The following SYNPR variants were observed in gnomAD, a reference collection of about 807,000 sequenced individuals.
SYNPR encodes synaptoporin.
A neutral mutation model predicts 32.9 loss-of-function variants in SYNPR; 23 were observed. That is an observed-to-expected ratio of 0.70 (90% CI 0.50 to 0.99). SYNPR has a LOEUF of 0.99. Ranked by LOEUF, SYNPR falls within the 50% of genes least tolerant of loss-of-function variation. The pLI is 0.00. For synonymous variants in SYNPR, 146 were observed against 135.9 expected (o/e 1.07, Z -0.52); for missense variants, 318 against 349.3 (o/e 0.91, Z 0.71).
At chr3:63,356,671 C>T (rs776004541) in intron 2 of SYNPR, among the ~76,000 whole-genome samples, 1 of 152,182 alleles carries the variant, frequency 6.6e-6, no homozygotes, top group African/African-American at 2.4e-5. Context: ...ACTAAGAAAG[C>T]CAAATGGTCA....
chr3:63,589,061 C>A (rs1489780792), intron 4 of SYNPR, among the ~76,000 whole-genome samples: 3 of 152,062 alleles, frequency 2.0e-5, no homozygotes, highest in Admixed American at 2.0e-4. Flanking sequence ...AAGGAACAAG[C>A]AGGTAGTAAA....
chr3:63,378,380 A>C (rs977086398), intron 2 of SYNPR, among the ~76,000 whole-genome samples: 2 of 152,044 alleles, frequency 1.3e-5, no homozygotes, highest in Non-Finnish European at 2.9e-5. Flanking sequence ...GTGGATGCCC[A>C]GTTGCTCTGC....
intron 2 of SYNPR, among the ~76,000 whole-genome samples, chr3:63,373,282 T>C (rs2087843828): frequency 1.3e-5 from 2 of 152,146 alleles, no homozygotes; most frequent in African/African-American, 4.8e-5. Context: ...ATAAAGATTA[T>C]TGATATTCAG....
intron 2 of SYNPR, among the ~76,000 whole-genome samples, chr3:63,339,954 G>T (rs1279648104): frequency 6.6e-6 from 1 of 152,150 alleles, no homozygotes; most frequent in Non-Finnish European, 1.5e-5. Flanking sequence ...ACCATGCCAA[G>T]CCTACCTTTT....
In SYNPR at chr3:63,438,129, T is replaced by C. The variant is rs147389936; in HGVS notation, c.85-42703T>C. Among the ~76,000 whole-genome samples the C allele has an allele frequency of 4.3e-3, 656 of 152,360 alleles. 6 individuals are homozygous for C. The highest frequency in any genetic ancestry group is 0.015 in the African/African-American group (634 of 41,586). On this transcript the variant is annotated intron_variant, in intron 2 of 5. Coordinates refer to ENST00000478300, the MANE Select transcript of SYNPR (RefSeq NM_001130003.2). ...GGCTGAGGATACAGAGATAGTAAGA[T>C]ATTGTGTCTTTGAAGAGCTTAGACT...
intron 5 of SYNPR, among the ~76,000 whole-genome samples, chr3:63,611,460 G>A (rs1353546121): frequency 6.6e-6 from 1 of 152,152 alleles, no homozygotes; most frequent in Non-Finnish European, 1.5e-5. Context: ...ATTACAAATT[G>A]TTTGGCTTCA....
At chr3:63,298,773 A>G (rs1467753597) in intron 2 of SYNPR, among the ~76,000 whole-genome samples, 1 of 152,138 alleles carries the variant, frequency 6.6e-6, no homozygotes, top group African/African-American at 2.4e-5. Context: ...GAGACAGGGA[A>G]TGGAAGTAAA....
chr3:63,509,102 G>A (rs9878486), intron 3 of SYNPR, among the ~76,000 whole-genome samples: 56,262 of 148,888 alleles, frequency 0.38, 10,618 homozygotes, highest in Non-Finnish European at 0.42. Flanking sequence ...GTACCTTTCA[G>A]CATATATATA....
intron 3 of SYNPR, among the ~76,000 whole-genome samples, chr3:63,485,834 T>C (rs953588349): frequency 2.6e-5 from 4 of 152,144 alleles, no homozygotes; most frequent in African/African-American, 9.7e-5. Flanking sequence ...CAACTAAATA[T>C]AGGGAACAAC....
chr3:63,324,587 G>A (rs549922015), intron 2 of SYNPR, among the ~76,000 whole-genome samples: 65 of 152,250 alleles, frequency 4.3e-4, no homozygotes, highest in African/African-American at 1.3e-3. Context: ...GTGTGGTCCA[G>A]GTGAGTGGTC....
intron 4 of SYNPR, among the ~76,000 whole-genome samples, chr3:63,577,786 T>G (rs1408201411): frequency 2.6e-4 from 40 of 152,150 alleles, no homozygotes; most frequent in Admixed American, 2.6e-3. Flanking sequence ...CTCAAAAAAG[T>G]ACGTGTTTCC....
intron 3 of SYNPR, among the ~76,000 whole-genome samples, chr3:63,532,234 T>C (rs1490263093): frequency 6.6e-6 from 1 of 152,204 alleles, no homozygotes; most frequent in African/African-American, 2.4e-5. Context: ...CTTTCAATCG[T>C]ATGTTCCCTG....
intron 2 of SYNPR, among the ~76,000 whole-genome samples, chr3:63,396,342 G>C (rs553519689): frequency 6.6e-6 from 1 of 152,268 alleles, no homozygotes; most frequent in South Asian, 2.1e-4. Flanking sequence ...GAGTTTTGTA[G>C]AAGTGAAACC....
At chr3:63,411,743 A>G (rs928002367) in intron 2 of SYNPR, among the ~76,000 whole-genome samples, 5 of 152,140 alleles carry the variant, frequency 3.3e-5, no homozygotes, top group Non-Finnish European at 5.9e-5. Flanking sequence ...TGAAGAGAAG[A>G]GGGAAGAATG....
chr3:63,391,713 C>CA (rs2088138924), intron 2 of SYNPR, among the ~76,000 whole-genome samples: 1 of 152,010 alleles, frequency 6.6e-6, no homozygotes, highest in South Asian at 2.1e-4. Flanking sequence ...AAAATTGAGA[C>CA]AAAGGAAGAT....
intron 2 of SYNPR, among the ~76,000 whole-genome samples, chr3:63,468,491 G>GCACACACACACACACACACACA (rs10663212): frequency 3.5e-3 from 522 of 148,630 alleles, no homozygotes; most frequent in African/African-American, 0.013. Flanking sequence ...TACCTGCAAA[G>GCACACACACACACACACACACA]CACACACACA....
At chr3:63,498,190 A>G (rs1215202206) in intron 3 of SYNPR, among the ~76,000 whole-genome samples, 3 of 152,146 alleles carry the variant, frequency 2.0e-5, no homozygotes, top group Non-Finnish European at 4.4e-5. Flanking sequence ...TTTGCGATCT[A>G]AGGGCACCAC....
the SYNPR span, among the ~76,000 whole-genome samples, chr3:63,206,141 T>C: frequency 0.38 from 57,620 of 151,960 alleles, 11,744 homozygotes; most frequent in African/African-American, 0.54. Flanking sequence ...GAAGTTCTCC[T>C]CAGACTTACT....
At chr3:63,501,750 A>G (rs4688411) in intron 3 of SYNPR, among the ~76,000 whole-genome samples, 92,483 of 151,848 alleles carry the variant, frequency 0.61, 28,343 homozygotes, top group African/African-American at 0.66. Context: ...AATTGACTAC[A>G]TTGTTATCTA....
Sources: gnomAD v4.1 joint callset for allele counts (sites outside exome capture counted in the v4.1 genomes callset) on GRCh38, gnomAD v4.1.1 for gene constraint, MANE v1.5 for transcripts, NCBI Gene and HGNC (gene_info 2026-07-23, HGNC 2026-07-21) for gene names.